The following GALNT2 variants were observed in gnomAD, a reference collection of about 807,000 sequenced individuals.
The protein encoded by GALNT2 is polypeptide N-acetylgalactosaminyltransferase 2, also known as UDP-GalNAc:polypeptide N-acetylgalactosaminyltransferase 2.
Under a neutral mutation model 81.4 loss-of-function variants are expected in GALNT2, and 31 were observed. The ratio of observed to expected loss-of-function variants is 0.38; its 90% CI spans 0.29 to 0.51. The LOEUF (loss-of-function observed/expected upper bound fraction) is 0.51. GALNT2 is among the 20% of genes least tolerant of loss of function. The pLI is 0.87. For missense variants in GALNT2, 629 were observed against 765.7 expected (o/e 0.82, Z 2.11); for synonymous variants, 303 against 287.4 (o/e 1.05, Z -0.55).
chr1:230,213,188 G>A (rs1664286954), intron 3 of GALNT2, among the ~76,000 whole-genome samples: 1 of 152,220 alleles, frequency 6.6e-6, no homozygotes, highest in Non-Finnish European at 1.5e-5. Flanking sequence ...ATGCAGTGAT[G>A]ACCATGAGGA....
At chr1:230,060,198 G>C (rs1427230926) in intron 1 of GALNT2, among the ~76,000 whole-genome samples, 1 of 152,162 alleles carries the variant, frequency 6.6e-6, no homozygotes, top group African/African-American at 2.4e-5. Flanking sequence ...TTTACAGAAT[G>C]TTCCCCATTT....
rs921896913 is a variant in GALNT2 at position 230,271,020 on chromosome 1, T to G, written c.1441-3425T>G. Among the ~76,000 whole-genome samples the G allele has an allele frequency of 6.6e-6, 1 of 152,224 alleles. No homozygotes were observed. The highest frequency in any genetic ancestry group is 2.4e-5 in the African/African-American group (1 of 41,454). On this transcript the variant is annotated intron_variant, in intron 14 of 15. Transcript: ENST00000366672. The surrounding 1 kb of genome is among the most constrained non-coding windows in gnomAD (Gnocchi z 4.2). The stretch of plus-strand genomic sequence containing the variant: ...AAAACATTCAGACATGATCTTTAAC[T>G]GGGTGTCAGCAGACCATCCAGCATC...
At chr1:230,200,050 A>G (rs1288124143) in intron 2 of GALNT2, among the ~76,000 whole-genome samples, 1 of 142,066 alleles carries the variant, frequency 7.0e-6, no homozygotes, top group Admixed American at 7.3e-5. Flanking sequence ...TGGTCATTTA[A>G]TTCTTTTTTT....
rs1252544452 is a variant in GALNT2 at position 230,275,690 on chromosome 1, A to T, written c.1560+1126A>T. ...ACATGCCACATGTATACATATGTAA[A>T]CACCACATATATATACACACCACAT... On this transcript the variant is annotated intron_variant, in intron 15 of 15. Transcript: ENST00000366672. This position sits in a 1 kb window ranked among gnomAD's most constrained non-coding sequence, Gnocchi z 5.5. 1.7e-5 allele frequency among the ~76,000 whole-genome samples: 2 copies of T among 116,106 alleles called. No individual in the cohort carries two copies. Among genetic ancestry groups the T allele is most frequent in the African/African-American group, 8.2e-5 (2 of 24,430 alleles). 76.2% of individuals were successfully genotyped at this position (116,106 alleles called of 152,430 possible). A position where few individuals can be genotyped will look rare whatever the true frequency, so the allele number is the denominator to read the frequency against.
At chr1:230,151,067 GA>G (rs917564692) in intron 1 of GALNT2, among the ~76,000 whole-genome samples, 43 of 152,182 alleles carry the variant, frequency 2.8e-4, no homozygotes, top group African/African-American at 1.0e-3. Context: ...GGGTTGCCTG[GA>G]GCACAATATT....
chr1:230,198,860 A>C (rs1165390028), intron 2 of GALNT2, among the ~76,000 whole-genome samples: 3 of 152,056 alleles, frequency 2.0e-5, no homozygotes, highest in Non-Finnish European at 4.4e-5. Context: ...TAATAAGCAA[A>C]CTTTTCGCAG....
chr1:230,132,164 C>G (rs190197682), intron 1 of GALNT2, among the ~76,000 whole-genome samples: 2 of 152,180 alleles, frequency 1.3e-5, no homozygotes, highest in African/African-American at 2.4e-5. Context: ...TCCCTTCAAT[C>G]AGTCTCGTAA....
rs555134771 is a variant in GALNT2 at position 230,208,511 on chromosome 1, C to T, written c.374+5221C>T. 3.3e-5 allele frequency among the ~76,000 whole-genome samples: 5 copies of T among 152,164 alleles called. No individual in the cohort carries two copies. In the South Asian group the frequency reaches 6.2e-4, roughly 19 times the overall value. ...CTGGTGTTCAGGAGGAAGGTCTTAG[C>T]GGGAATGTAAATTTGGAAATGTTCA... On this transcript the variant is annotated intron_variant, in intron 3 of 15. Transcript: ENST00000366672.
chr1:230,118,945 C>T (rs1660932325), intron 1 of GALNT2, among the ~76,000 whole-genome samples: 1 of 152,166 alleles, frequency 6.6e-6, no homozygotes. Flanking sequence ...TCCATGACCA[C>T]CCTGGAAATG....
chr1:230,273,116 G>A (rs1252101034), intron 14 of GALNT2, among the ~76,000 whole-genome samples: 1 of 152,142 alleles, frequency 6.6e-6, no homozygotes, highest in Non-Finnish European at 1.5e-5. Flanking sequence ...CGGACTATTT[G>A]TTCCAACATG....
chr1:230,161,284 ATGCCCCAG>A (rs1444230769), intron 1 of GALNT2, among the ~76,000 whole-genome samples: 1 of 152,184 alleles, frequency 6.6e-6, no homozygotes, highest in Non-Finnish European at 1.5e-5. Context: ...AACTCTCCAC[ATGCCCCAG>A]TAGCATAGAC....
At chr1:230,256,445 C>CAAA (rs35831707) in intron 11 of GALNT2, among the ~76,000 whole-genome samples, 2 of 108,482 alleles carry the variant, frequency 1.8e-5, no homozygotes, top group Non-Finnish European at 3.9e-5. Flanking sequence ...GACTCTGTCT[C>CAAA]AAAAAAAAAA....
intron 3 of GALNT2, among the ~76,000 whole-genome samples, chr1:230,233,506 G>A (rs903170398): frequency 6.6e-6 from 1 of 152,124 alleles, no homozygotes; most frequent in Non-Finnish European, 1.5e-5. Context: ...CCAGCTACTC[G>A]GGAGGCTGAG....
chr1:230,144,609 C>T (rs545279198), intron 1 of GALNT2, among the ~76,000 whole-genome samples: 5 of 152,192 alleles, frequency 3.3e-5, no homozygotes, highest in African/African-American at 7.2e-5. Context: ...ACCAGGATTT[C>T]GCCATGCTTA....
At chr1:230,255,447 G>A (rs1227670370) in intron 11 of GALNT2, 103 bp downstream of exon 11, 23 of 1,467,514 alleles carry the variant, frequency 1.6e-5, no homozygotes, top group Middle Eastern at 3.5e-4. Context: ...CAGTGGGTGT[G>A]GTGCATTTAT....
rs773776380 is a variant in GALNT2 at position 230,255,275 on chromosome 1, G to T, written c.1067G>T (p.Arg356Leu). The T allele has an allele frequency of 3.7e-6, 6 of 1,614,094 alleles. No homozygotes were observed. The highest frequency in any genetic ancestry group is 1.1e-5 in the South Asian group (1 of 91,084). ...AGCCTGGAGATCATCCCGTGCAGCC[G>T]TGTGGGACACGTGTTCCGGAAGCAG... The part of the protein sequence containing the change: ...GGSLEIIPCS[R>L]VGHVFRKQHP... The change falls in exon 11 of 16, where the codon CGT becomes CTT. Residue 356 changes from arginine to leucine, a missense_variant. By Grantham distance (102) the Arg-to-Leu change is moderately radical. Coordinates refer to ENST00000366672, the MANE Select transcript of GALNT2 (RefSeq NM_004481.5).
intron 1 of GALNT2, among the ~76,000 whole-genome samples, chr1:230,122,973 G>A (rs907192093): frequency 6.6e-6 from 1 of 152,138 alleles, no homozygotes; most frequent in African/African-American, 2.4e-5. Flanking sequence ...ATTGAGTTGG[G>A]GATGTGCAGT....
rs771408585 is a variant in GALNT2, at chr1:230,236,014, G to T, written c.375G>T (p.Gln125His). The part of the protein sequence containing the change: ...DRAIPDTRHD[Q>H]CQRKQWRVDL... ...GAGGACCATCTTTCTCTTCCTGCAG[G>T]TGTCAGCGGAAGCAGTGGCGGGTGG... Residue 125 changes from glutamine (Q) to histidine (H), a missense_variant and splice_region_variant, in exon 4 of 16, where the codon CAG (glutamine) becomes CAT (histidine). This residue lies in a region of GALNT2 where 360 missense variants were observed against 492.8 expected (regional missense o/e 0.73). Transcript: ENST00000366672. The T allele has an allele frequency of 6.2e-7, 1 of 1,614,004 alleles. No individual in the cohort carries two copies. The highest frequency in any genetic ancestry group is 2.2e-5 in the East Asian group (1 of 44,860).
intron 3 of GALNT2, among the ~76,000 whole-genome samples, chr1:230,215,323 G>C (rs1171702366): frequency 6.6e-6 from 1 of 152,240 alleles, no homozygotes; most frequent in African/African-American, 2.4e-5. Context: ...CGGCCGTTTG[G>C]CTCTATGCCG....
Sources: gnomAD v4.1 joint callset for allele counts (sites outside exome capture counted in the v4.1 genomes callset) on GRCh38, gnomAD v4.1.1 for gene constraint, gnomAD v4.1.1 regional missense constraint, Gnocchi (gnomAD v3.1) non-coding constraint, MANE v1.5 for transcripts, NCBI Gene and HGNC (gene_info 2026-07-23, HGNC 2026-07-21) for gene names.